The following PXDN variants were observed in gnomAD, a reference collection of about 807,000 sequenced individuals.
PXDN encodes the protein peroxidasin homolog.
PXDN carries 77 observed loss-of-function variants against 140.3 expected under a neutral mutation model. The ratio of observed to expected loss-of-function variants is 0.55; its 90% CI spans 0.46 to 0.66. PXDN has a LOEUF of 0.66. Ranked by LOEUF, PXDN falls within the 30% of genes least tolerant of loss-of-function variation. The probability of loss-of-function intolerance (pLI) is 0.00; values close to 1 mark genes in which losing one functional copy is unlikely to be tolerated. For missense variants in PXDN, 1,838 were observed against 2,039.5 expected (o/e 0.90, Z 1.90); for synonymous variants, 911 against 857.4 (o/e 1.06, Z -1.09).
At chr2:1,723,106 A>G (rs1685091770) in intron 1 of PXDN, among the ~76,000 whole-genome samples, 2 of 152,182 alleles carry the variant, frequency 1.3e-5, no homozygotes, top group Admixed American at 6.5e-5. Context: ...GTGGTTATGG[A>G]TGAATGGACA....
chr2:1,635,387 G>T, intron 22 of PXDN, 21 bp downstream of exon 22: 1 of 1,550,718 alleles, frequency 6.4e-7, no homozygotes, highest in Non-Finnish European at 8.8e-7. Flanking sequence ...AGGACATGAA[G>T]ATAGAGCCCC....
chr2:1,653,421 C>T (rs1683058577), intron 16 of PXDN: 6 of 751,232 alleles, frequency 8.0e-6, no homozygotes, highest in South Asian at 3.1e-5. Flanking sequence ...GACTTCACGT[C>T]CCCCAGAGAT....
intron 21 of PXDN, 126 bp downstream of exon 21, chr2:1,638,720 G>T: frequency 2.1e-6 from 3 of 1,431,070 alleles, no homozygotes; most frequent in Non-Finnish European, 2.9e-6. Flanking sequence ...AGGCTCCAGG[G>T]TCTGGGTCCT....
At chr2:1,647,829 A>C (rs1682886341) in intron 17 of PXDN, among the ~76,000 whole-genome samples, 1 of 152,200 alleles carries the variant, frequency 6.6e-6, no homozygotes, top group African/African-American at 2.4e-5. Context: ...TCTGGTGCGA[A>C]CAGTGTATTT....
intron 18 of PXDN, 146 bp from the exon 19 acceptor site, chr2:1,643,722 A>G: frequency 1.3e-6 from 1 of 752,316 alleles, no homozygotes; most frequent in Non-Finnish European, 2.2e-6. Context: ...ATGGACTCAC[A>G]CACTGCTCAC....
intron 1 of PXDN, among the ~76,000 whole-genome samples, chr2:1,716,021 G>C (rs1558523571): frequency 6.6e-6 from 1 of 152,222 alleles, no homozygotes; most frequent in Non-Finnish European, 1.5e-5. Context: ...AGGTGGTGGA[G>C]TGTTGGCCAA....
intron 1 of PXDN, among the ~76,000 whole-genome samples, chr2:1,699,738 A>C (rs13414326): frequency 0.33 from 49,626 of 151,184 alleles, 9,092 homozygotes; most frequent in Admixed American, 0.43. Flanking sequence ...AACAAACAAA[A>C]ATAAATAAGA....
chr2:1,646,605 A>G (rs1572120849), intron 17 of PXDN, among the ~76,000 whole-genome samples: 1 of 152,238 alleles, frequency 6.6e-6, no homozygotes, highest in African/African-American at 2.4e-5. Flanking sequence ...ATGTTCATTT[A>G]GTCATAACTT....
intron 1 of PXDN, among the ~76,000 whole-genome samples, chr2:1,730,341 G>C (rs1215683206): frequency 2.0e-5 from 3 of 152,210 alleles, no homozygotes; most frequent in Admixed American, 6.5e-5. Context: ...GAGCCCTTGT[G>C]GCAAACAGGC....
chr2:1,744,500 G>C lies in PXDN; in HGVS notation c.-45C>G. ...CGCTCGGACGCACGGAGCCACCACGGCCGGCTCCCGACTGCGCCCGCCCGG... is the reference window on the plus strand; with the variant it reads ...CGCTCGGACGCACGGAGCCACCACGCCCGGCTCCCGACTGCGCCCGCCCGG... On this transcript the variant is annotated 5_prime_UTR_variant, in exon 1 of 23. Transcript: ENST00000252804. 1 of 1,355,898 alleles carries C rather than the reference G, an allele frequency of 7.4e-7. No individual in the cohort carries two copies. Among genetic ancestry groups the C allele is most frequent in the Non-Finnish European group, 9.4e-7 (1 of 1,063,308 alleles). 84.0% of individuals were successfully genotyped at this position (1,355,898 alleles called of 1,614,324 possible).
Position 1,656,929 on chromosome 2 carries a change from G to GCC in PXDN, c.1838-2422_1838-2421insGG, listed in dbSNP as rs1467628749. On this transcript the variant is annotated intron_variant, in intron 14 of 22. Coordinates refer to ENST00000252804, the MANE Select transcript of PXDN (RefSeq NM_012293.3). ...TCCTGACTGGAACCTGTCCCCTCCT[G>GCC]ACAGAAACCTGTCCCCTCCTGCCTC... Among the ~76,000 whole-genome samples the GCC allele has an allele frequency of 8.9e-3, 1,284 of 144,652 alleles. 14 individuals are homozygous for GCC. Among genetic ancestry groups the GCC allele is most frequent in the African/African-American group, 0.033 (1,235 of 37,456 alleles). The allele number at this position is 144,652 out of a possible 152,430, so 94.9% of individuals were successfully genotyped here.
chr2:1,703,415 A>AG (rs1253664503), intron 1 of PXDN, among the ~76,000 whole-genome samples: 2 of 53,188 alleles, frequency 3.8e-5, no homozygotes, highest in African/African-American at 8.6e-5. Context: ...CTCCAGGTGA[A>AG]GGAGGGACAA....
intron 1 of PXDN, among the ~76,000 whole-genome samples, chr2:1,729,594 C>T (rs1044795485): frequency 1.3e-5 from 2 of 152,012 alleles, no homozygotes; most frequent in African/African-American, 2.4e-5. Context: ...TAAAAGTCTA[C>T]ACGTTGGATA....
intron 1 of PXDN, among the ~76,000 whole-genome samples, chr2:1,711,046 C>G (rs546259355): frequency 1.3e-5 from 1 of 74,656 alleles, no homozygotes; most frequent in Admixed American, 1.2e-4. Context: ...AGCATCCACT[C>G]TACCAGCACC....
intron 1 of PXDN, among the ~76,000 whole-genome samples, chr2:1,716,524 G>C (rs13426530): frequency 6.7e-6 from 1 of 149,352 alleles, no homozygotes; most frequent in Non-Finnish European, 1.5e-5. Context: ...CTGGATATAA[G>C]AGGTGTACAG....
chr2:1,730,893 A>C (rs1055952030), intron 1 of PXDN, among the ~76,000 whole-genome samples: 1 of 152,180 alleles, frequency 6.6e-6, no homozygotes, highest in African/African-American at 2.4e-5. Context: ...GCCATGATGC[A>C]TAAACAAACT....
At chr2:1,696,094 C>T (rs1684295002) in intron 1 of PXDN, among the ~76,000 whole-genome samples, 2 of 152,054 alleles carry the variant, frequency 1.3e-5, no homozygotes, top group Admixed American at 6.5e-5. Flanking sequence ...TCAAGGACTT[C>T]CTACAAACAA....
At position 1,723,139 on chromosome 2, in the gene PXDN, T is replaced by C. The variant is rs529188707; in HGVS notation, c.200+21117A>G. Among the ~76,000 whole-genome samples, 14 of 151,698 alleles carry C rather than the reference T, an allele frequency of 9.2e-5. No individual in the cohort carries two copies. In the South Asian group the frequency reaches 2.1e-3, roughly 23 times the overall value. On this transcript the variant is annotated intron_variant, in intron 1 of 22. Transcript: ENST00000252804. ...ACAGATGGACTAATGAATGGATACATTGATGGATGGCTGACTGGAAAATGG... is the reference window on the plus strand; with the variant it reads ...ACAGATGGACTAATGAATGGATACACTGATGGATGGCTGACTGGAAAATGG...
At position 1,714,042 on chromosome 2, in the gene PXDN, G is replaced by A. The variant is rs1030429979; in HGVS notation, c.201-20908C>T. On this transcript the variant is annotated intron_variant, in intron 1 of 22. Coordinates refer to ENST00000252804, the MANE Select transcript of PXDN (RefSeq NM_012293.3). This position sits in a 1 kb window ranked among gnomAD's most constrained non-coding sequence, Gnocchi z 4.3. Reference sequence around the variant, plus strand: ...ACATGGCCCAGCCTGGGCAACCTACGATAATATTGGCACTGGCGGCTTTGG... The same window carrying A: ...ACATGGCCCAGCCTGGGCAACCTACAATAATATTGGCACTGGCGGCTTTGG... Among the ~76,000 whole-genome samples, 5 of 152,170 alleles carry A rather than the reference G, an allele frequency of 3.3e-5. No individual in the cohort carries two copies. The highest frequency in any genetic ancestry group is 2.0e-4 in the Admixed American group (3 of 15,286).
Sources: gnomAD v4.1 joint callset for allele counts (sites outside exome capture counted in the v4.1 genomes callset) on GRCh38, gnomAD v4.1.1 for gene constraint, Gnocchi (gnomAD v3.1) non-coding constraint, MANE v1.5 for transcripts, NCBI Gene and HGNC (gene_info 2026-07-23, HGNC 2026-07-21) for gene names.